MYO6: variants seen among roughly 807,000 people sequenced by gnomAD.
The protein encoded by MYO6 is unconventional myosin-VI.
Under a neutral mutation model 178.7 loss-of-function variants are expected in MYO6, and 74 were observed. The observed-to-expected ratio is 0.41, with a 90% CI of 0.34 to 0.50. The LOEUF is 0.50. Among genes scored for constraint, MYO6 ranks in the 20% least tolerant of loss-of-function variants. MYO6 has a pLI of 0.09. For synonymous variants in MYO6, 477 were observed against 504.6 expected (o/e 0.95, Z 0.73); for missense variants, 1,330 against 1,547.4 (o/e 0.86, Z 2.36).
intron 11 of MYO6, among the ~76,000 whole-genome samples, chr6:75,851,568 T>C (rs1175465958): frequency 6.6e-6 from 1 of 151,832 alleles, no homozygotes; most frequent in Non-Finnish European, 1.5e-5. Flanking sequence ...TTTGGGAGGC[T>C]GAGGCGGGAG....
At chr6:75,750,356 A>T (rs565819168) in intron 1 of MYO6, among the ~76,000 whole-genome samples, 1 of 151,898 alleles carries the variant, frequency 6.6e-6, no homozygotes, top group African/African-American at 2.4e-5. Context: ...CGGTCTCCCA[A>T]AGTGCTGGGA....
chr6:75,802,478 AATT>A, intron 1 of MYO6, among the ~76,000 whole-genome samples: 2 of 100,884 alleles, frequency 2.0e-5, no homozygotes, highest in African/African-American at 1.1e-4. Context: ...CAAAAAAAAA[AATT>A]TTTTTTTTTT....
At chr6:75,791,657 A>G (rs1199034010) in intron 1 of MYO6, among the ~76,000 whole-genome samples, 1 of 152,230 alleles carries the variant, frequency 6.6e-6, no homozygotes, top group Non-Finnish European at 1.5e-5. Flanking sequence ...ATGAAAAAAG[A>G]TATCTTGATT....
chr6:75,786,441 A>G (rs1767576266), intron 1 of MYO6, among the ~76,000 whole-genome samples: 1 of 152,184 alleles, frequency 6.6e-6, no homozygotes, highest in African/African-American at 2.4e-5. Flanking sequence ...TGAAATTTTA[A>G]TTGGGATTGC....
In MYO6 at chr6:75,871,983, G is replaced by A. The variant is rs148868305; in HGVS notation, c.1984-1224G>A. Among the ~76,000 whole-genome samples, 4 of 152,046 alleles carry A rather than the reference G, an allele frequency of 2.6e-5. No individual in the cohort carries two copies. The East Asian group carries it at 7.8e-4, about 29-fold the overall frequency. On this transcript the variant is annotated intron_variant, in intron 19 of 34. Transcript: ENST00000369977. ...CTCTGCTAAAAAAATACAAAAATTA[G>A]CTGGGCATGGTGGGGCGCACTTGTA...
intron 1 of MYO6, among the ~76,000 whole-genome samples, chr6:75,797,233 G>T (rs958036048): frequency 5.3e-5 from 8 of 152,098 alleles, no homozygotes; most frequent in Non-Finnish European, 8.8e-5. Context: ...GGGATTACAG[G>T]CATGCACCAC....
At chr6:75,758,749 C>T (rs184908904) in intron 1 of MYO6, among the ~76,000 whole-genome samples, 3 of 152,202 alleles carry the variant, frequency 2.0e-5, no homozygotes, top group Admixed American at 6.5e-5. Flanking sequence ...TGAGCCACCG[C>T]GCCTGGCCTG....
chr6:75,867,290 G>T, intron 18 of MYO6, 185 bp downstream of exon 18: 1 of 534,614 alleles, frequency 1.9e-6, no homozygotes, highest in Non-Finnish European at 3.2e-6. Context: ...ATACAGAAAT[G>T]CTTGTAATTA....
In MYO6 at chr6:75,914,204, A is replaced by G; in HGVS notation, c.3581A>G (p.Tyr1194Cys). 1.9e-6 allele frequency: 3 copies of G among 1,614,218 alleles called. No homozygotes were observed. The highest frequency in any genetic ancestry group is 1.3e-5 in the African/African-American group (1 of 75,078). Residue 1194 changes from tyrosine (Y) to cysteine (C), a missense_variant, in exon 34 of 35, where the codon TAT becomes TGT. Tyr to Cys is a radical substitution (Grantham distance 194, BLOSUM62 -2). This residue lies in a region of MYO6 where 601 missense variants were observed against 626.1 expected (regional missense o/e 0.96). Transcript: ENST00000369977. ...CAGAGTAAGAAAAAAGGCTGGTGGT[A>G]TGCCCATTTTGATGGACCATGGATT... is the stretch of plus-strand genomic sequence containing the variant. ...DPQSKKKGWWYAHFDGPWIAR... is the reference protein window; with the variant it reads ...DPQSKKKGWWCAHFDGPWIAR...
chr6:75,785,703 A>G (rs764363201), intron 1 of MYO6, among the ~76,000 whole-genome samples: 2 of 150,676 alleles, frequency 1.3e-5, no homozygotes, highest in Non-Finnish European at 3.0e-5. Context: ...TAGAAGCTTT[A>G]TTGTTTGCTT....
At chr6:75,788,252 TAC>T (rs113946745) in intron 1 of MYO6, among the ~76,000 whole-genome samples, 4,823 of 152,088 alleles carry the variant, frequency 0.032, 150 homozygotes, top group East Asian at 0.13. Flanking sequence ...TGGTCCCAGC[TAC>T]TTGGAAGGCT....
chr6:75,905,668 T>G lies in MYO6; in HGVS notation c.3177-1937T>G, dbSNP rs2149408890. ...GGTACCTCAGATGGAAATGCAGAAA[T>G]CACCCGTCTTCTGCGTCGCTCACGC... On this transcript the variant is annotated intron_variant, in intron 30 of 34. Coordinates refer to ENST00000369977, the MANE Select transcript of MYO6 (RefSeq NM_004999.4). Among the ~76,000 whole-genome samples the G allele has an allele frequency of 2.0e-5, 3 of 152,350 alleles. No homozygotes were observed. In the Middle Eastern group the frequency reaches 0.01, roughly 518 times the overall value.
intron 25 of MYO6, among the ~76,000 whole-genome samples, chr6:75,889,851 G>T (rs1183071815): frequency 6.6e-6 from 1 of 152,106 alleles, no homozygotes; most frequent in Non-Finnish European, 1.5e-5. Context: ...TAAAGATAAC[G>T]GACGTATTGC....
intron 1 of MYO6, among the ~76,000 whole-genome samples, chr6:75,817,098 G>A (rs1771334894): frequency 6.6e-6 from 1 of 152,146 alleles, no homozygotes; most frequent in African/African-American, 2.4e-5. Context: ...GAGGTCAGGA[G>A]ATCGAGACCA....
intron 1 of MYO6, among the ~76,000 whole-genome samples, chr6:75,773,859 G>T (rs1766122882): frequency 6.6e-6 from 1 of 152,122 alleles, no homozygotes; most frequent in South Asian, 2.1e-4. Flanking sequence ...CAACTTATTT[G>T]TTCATTGTGG....
chr6:75,785,383 T>G (rs111686339), intron 1 of MYO6, among the ~76,000 whole-genome samples: 1 of 152,142 alleles, frequency 6.6e-6, no homozygotes, highest in Non-Finnish European at 1.5e-5. Flanking sequence ...AAGTTCTTAA[T>G]TTGTCAAATT....
At chr6:75,838,586 A>G (rs1773880433) in intron 7 of MYO6, among the ~76,000 whole-genome samples, 1 of 151,470 alleles carries the variant, frequency 6.6e-6, no homozygotes. Flanking sequence ...GAGACCTGTA[A>G]TTGAGTCCTC....
At chr6:75,888,477 A>G (rs1319130291) in intron 25 of MYO6, among the ~76,000 whole-genome samples, 2 of 151,848 alleles carry the variant, frequency 1.3e-5, no homozygotes, top group Non-Finnish European at 2.9e-5. Flanking sequence ...TTATTTGGGC[A>G]TGGTGGTATG....
At chr6:75,857,442 G>A (rs931124701) in intron 13 of MYO6, among the ~76,000 whole-genome samples, 188 bp downstream of exon 13, 4 of 152,126 alleles carry the variant, frequency 2.6e-5, no homozygotes, top group South Asian at 2.1e-4. Context: ...GGAAAGACTC[G>A]TGGGGATTAG....
Sources: allele counts gnomAD v4.1 joint callset (sites outside exome capture counted in the v4.1 genomes callset), GRCh38; gene constraint gnomAD v4.1.1; regional missense constraint gnomAD v4.1.1; transcripts MANE v1.5; gene names NCBI Gene and HGNC (gene_info 2026-07-23, HGNC 2026-07-21).